TRAPPC6A: variants seen among roughly 807,000 people sequenced by gnomAD.
The protein encoded by TRAPPC6A is trafficking protein particle complex subunit 6A.
In TRAPPC6A, 25 loss-of-function variants were observed where a neutral mutation model predicts 20.8. The observed-to-expected ratio is 1.20, with a 90% CI of 0.88 to 1.68. TRAPPC6A has a LOEUF of 1.68. Among genes scored for constraint, TRAPPC6A ranks in the 40% most tolerant of loss-of-function variants. The pLI, the probability that TRAPPC6A is intolerant of heterozygous loss-of-function variation, is 0.00. For synonymous variants in TRAPPC6A, 96 were observed against 93.3 expected (o/e 1.03, Z -0.16); for missense variants, 215 against 211.6 (o/e 1.02, Z -0.10).
At chr19:45,164,633 A>C (rs771071478) in intron 3 of TRAPPC6A, 6 of 597,770 alleles carry the variant, frequency 1.0e-5, no homozygotes, top group Non-Finnish European at 1.8e-5. Flanking sequence ...TGCATGGCTC[A>C]CTCCTGGTAG....
chr19:45,164,244 TC>T lies in TRAPPC6A; in HGVS notation c.273del (p.Thr92ProfsTer64). 6.2e-7 allele frequency: 1 copy of T among 1,601,382 alleles called. No homozygotes were observed. The highest frequency in any genetic ancestry group is 8.5e-7 in the Non-Finnish European group (1 of 1,173,604). Reference protein sequence around the residue: ...QMDSLRTNHQGTYVLQDNSFP... With the variant: ...QMDSLRTNHQXTYVLQDNSFP... The stretch of plus-strand genomic sequence containing the variant: ...AAGCTGTTGTCTTGCAGGACGTAGG[TC>T]CCCTGGGGGAGAGGAGAGGCTGGTG... On this transcript the variant is annotated frameshift_variant and splice_region_variant, in exon 4 of 6. Transcript: ENST00000585934. LOFTEE classifies it high-confidence loss of function.
At chr19:45,177,562 C>T (rs996570529) in intron 1 of TRAPPC6A, among the ~76,000 whole-genome samples, 1 of 152,070 alleles carries the variant, frequency 6.6e-6, no homozygotes, top group Non-Finnish European at 1.5e-5. Flanking sequence ...CTCCTGACCT[C>T]AGGTGATCCG....
chr19:45,170,164 G>A (rs945531101), intron 1 of TRAPPC6A, among the ~76,000 whole-genome samples: 1 of 152,212 alleles, frequency 6.6e-6, no homozygotes. Context: ...GGGCTGCAGA[G>A]GGGGCATTTT....
chr19:45,171,102 G>C (rs1192838608), intron 1 of TRAPPC6A, among the ~76,000 whole-genome samples: 1 of 152,236 alleles, frequency 6.6e-6, no homozygotes, highest in Non-Finnish European at 1.5e-5. Flanking sequence ...AGGAGTTTGA[G>C]ACCAGCCTGG....
chr19:45,177,186 T>TGCGCGC (rs369046871), intron 1 of TRAPPC6A, among the ~76,000 whole-genome samples: 9 of 99,772 alleles, frequency 9.0e-5, no homozygotes, highest in African/African-American at 4.9e-4. Context: ...AGGATGCGCG[T>TGCGCGC]GCGCGCACAC....
chr19:45,172,551 A>C lies in TRAPPC6A; in HGVS notation c.84+5584T>G, dbSNP rs1383858314. 6.6e-6 allele frequency among the ~76,000 whole-genome samples: 1 copy of C among 151,588 alleles called. No homozygotes were observed. Among genetic ancestry groups the C allele is most frequent in the Non-Finnish European group, 1.5e-5 (1 of 68,016 alleles). On this transcript the variant is annotated intron_variant, in intron 1 of 5. Coordinates refer to ENST00000585934, the MANE Select transcript of TRAPPC6A (RefSeq NM_001270891.2). The surrounding 1 kb of genome is among the most constrained non-coding windows in gnomAD (Gnocchi z 4.2). ...AGCCCTGGTTAAGAAAAGCACACAGACAGAAGTGCTGGCACACAGATGGGT... is the reference window on the plus strand; with the variant it reads ...AGCCCTGGTTAAGAAAAGCACACAGCCAGAAGTGCTGGCACACAGATGGGT...
rs1969071946 is a variant in TRAPPC6A at position 45,163,861 on chromosome 19, G to A, written c.448+55C>T. On this transcript the variant is annotated intron_variant, in intron 5 of 5. Coordinates refer to ENST00000585934, the MANE Select transcript of TRAPPC6A (RefSeq NM_001270891.2). This position sits in a 1 kb window ranked among gnomAD's most constrained non-coding sequence, Gnocchi z 5.3. Reference sequence around the variant, plus strand: ...CACACAGGAGTGGGGCTGGAACTCTGAAGCCCCCAGCAACTCAAGGGATGA... The same window carrying A: ...CACACAGGAGTGGGGCTGGAACTCTAAAGCCCCCAGCAACTCAAGGGATGA... 2 of 1,465,774 alleles carry A rather than the reference G, an allele frequency of 1.4e-6. No individual in the cohort carries two copies. The highest frequency in any genetic ancestry group is 4.9e-5 in the East Asian group (2 of 40,576). 90.8% of individuals were successfully genotyped at this position (1,465,774 alleles called of 1,614,324 possible).
At position 45,163,811 on chromosome 19, in the gene TRAPPC6A, A is replaced by G; in HGVS notation, c.448+105T>C. 9.4e-7 allele frequency: 1 copy of G among 1,062,080 alleles called. No homozygotes were observed. Among genetic ancestry groups the G allele is most frequent in the Non-Finnish European group, 1.4e-6 (1 of 724,970 alleles). 65.8% of individuals were successfully genotyped at this position (1,062,080 alleles called of 1,614,324 possible). ...GCCGTGTGGCTGAGCAGGTGACTTA[A>G]AACTGGGCCTGCCTCCCAGGCACAC... On this transcript the variant is annotated intron_variant, in intron 5 of 5. Transcript: ENST00000585934. This position sits in a 1 kb window ranked among gnomAD's most constrained non-coding sequence, Gnocchi z 5.3.
At chr19:45,165,262 G>A in intron 1 of TRAPPC6A, 68 bp from the exon 2 acceptor site, 2 of 1,476,238 alleles carry the variant, frequency 1.4e-6, no homozygotes, top group South Asian at 1.2e-5. Flanking sequence ...CCCAGGGGGG[G>A]ACCTGCCAGG....
intron 3 of TRAPPC6A, among the ~76,000 whole-genome samples, chr19:45,164,465 C>T (rs73564225): frequency 0.014 from 2,182 of 152,132 alleles, 61 homozygotes; most frequent in African/African-American, 0.047. Flanking sequence ...TGGGTCCTGC[C>T]CTCGCCTCCC....
At chr19:45,175,572 G>A (rs1468342694) in intron 1 of TRAPPC6A, among the ~76,000 whole-genome samples, 2 of 152,170 alleles carry the variant, frequency 1.3e-5, no homozygotes, top group Non-Finnish European at 2.9e-5. Context: ...GGAAGGGATT[G>A]TTACGCTAAG....
intron 1 of TRAPPC6A, among the ~76,000 whole-genome samples, chr19:45,165,655 G>T (rs1969136603): frequency 6.6e-6 from 1 of 152,246 alleles, no homozygotes; most frequent in Non-Finnish European, 1.5e-5. Flanking sequence ...GGCTGTGGAA[G>T]TCAACCATGA....
rs1276465374 is a variant in TRAPPC6A at position 45,163,892 on chromosome 19, A to AT, written c.448+23dup. On this transcript the variant is annotated intron_variant, in intron 5 of 5. Coordinates refer to ENST00000585934, the MANE Select transcript of TRAPPC6A (RefSeq NM_001270891.2). This position sits in a 1 kb window ranked among gnomAD's most constrained non-coding sequence, Gnocchi z 5.3. ...CCCAGCAACTCAAGGGATGAGAAGAATCCCCCCACCCCCCATGACTCACAG... is the reference window on the plus strand; with the variant it reads ...CCCAGCAACTCAAGGGATGAGAAGAATTCCCCCCACCCCCCATGACTCACAG... The AT allele has an allele frequency of 6.6e-7, 1 of 1,514,440 alleles. No individual in the cohort carries two copies. The highest frequency in any genetic ancestry group is 1.4e-5 in the African/African-American group (1 of 72,730). The allele number at this position is 1,514,440 out of a possible 1,614,324, so 93.8% of individuals were successfully genotyped here.
chr19:45,177,570 C>T (rs1969416870), intron 1 of TRAPPC6A, among the ~76,000 whole-genome samples: 1 of 152,108 alleles, frequency 6.6e-6, no homozygotes, highest in South Asian at 2.1e-4. Flanking sequence ...CTCAGGTGAT[C>T]CGACGGCCTC....
intron 1 of TRAPPC6A, among the ~76,000 whole-genome samples, chr19:45,167,257 C>G (rs1442150585): frequency 6.6e-6 from 1 of 152,166 alleles, no homozygotes; most frequent in Admixed American, 6.5e-5. Context: ...TGTCAACAGG[C>G]TCTTGGAAAC....
At chr19:45,169,741 C>T (rs1041434513) in intron 1 of TRAPPC6A, among the ~76,000 whole-genome samples, 1 of 152,186 alleles carries the variant, frequency 6.6e-6, no homozygotes, top group Non-Finnish European at 1.5e-5. Flanking sequence ...CTGCGGCTCC[C>T]GTGTCACCTC....
At chr19:45,177,665 A>G (rs1275894117) in intron 1 of TRAPPC6A, among the ~76,000 whole-genome samples, 1 of 152,200 alleles carries the variant, frequency 6.6e-6, no homozygotes, top group Non-Finnish European at 1.5e-5. Context: ...TGTAAGCTTC[A>G]CAAGGAAGGG....
At chr19:45,170,404 T>C (rs183303820) in intron 1 of TRAPPC6A, among the ~76,000 whole-genome samples, 2 of 152,146 alleles carry the variant, frequency 1.3e-5, no homozygotes, top group African/African-American at 4.8e-5. Context: ...CCGACTGTGC[T>C]GAGCCTGAGG....
rs1969296068 is a variant in TRAPPC6A at position 45,172,971 on chromosome 19, T to G, written c.84+5164A>C. On this transcript the variant is annotated intron_variant, in intron 1 of 5. Transcript: ENST00000585934. This position sits in a 1 kb window ranked among gnomAD's most constrained non-coding sequence, Gnocchi z 4.2. Reference sequence around the variant, plus strand: ...CAGGACGGTGTTCCGGGCAGGGACCTATCTGACAGCCGCTCCGCCCGCCCC... The same window carrying G: ...CAGGACGGTGTTCCGGGCAGGGACCGATCTGACAGCCGCTCCGCCCGCCCC... 6.6e-6 allele frequency among the ~76,000 whole-genome samples: 1 copy of G among 151,546 alleles called. No homozygotes were observed. Among genetic ancestry groups the G allele is most frequent in the Non-Finnish European group, 1.5e-5 (1 of 68,014 alleles).
Sources: allele counts gnomAD v4.1 joint callset (sites outside exome capture counted in the v4.1 genomes callset), GRCh38; gene constraint gnomAD v4.1.1; non-coding constraint Gnocchi (gnomAD v3.1); transcripts MANE v1.5; gene names NCBI Gene and HGNC (gene_info 2026-07-23, HGNC 2026-07-21).